The following ANKS6 variants were observed in gnomAD, a reference collection of about 807,000 sequenced individuals.
ANKS6 encodes ankyrin repeat and sterile alpha motif domain containing 6.
Under a neutral mutation model 77.9 loss-of-function variants are expected in ANKS6, and 47 were observed. That is an observed-to-expected ratio of 0.60 (90% CI 0.48 to 0.77). ANKS6 has a LOEUF of 0.77. Ranked by LOEUF, ANKS6 falls within the 30% of genes least tolerant of loss-of-function variation. The pLI is 0.00. For synonymous variants in ANKS6, 488 were observed against 501.7 expected, an observed-to-expected ratio of 0.97 and a Z score of 0.37; for missense variants, 1,150 against 1,159.1, an observed-to-expected ratio of 0.99 and a Z score of 0.11.
At position 98,792,421 on chromosome 9, in the gene ANKS6, A is replaced by G. The variant is rs1310523781; in HGVS notation, c.360-1815T>C. On this transcript the variant is annotated intron_variant, in intron 1 of 14. Coordinates refer to ENST00000353234, the MANE Select transcript of ANKS6 (RefSeq NM_173551.5). The stretch of plus-strand genomic sequence containing the variant: ...AAGGACAGGACAGGGTTCCACGCAT[A>G]TTGTTTCCCCAGCCCCTACCATAGT... Among the ~76,000 whole-genome samples the G allele has an allele frequency of 2.0e-5, 3 of 152,204 alleles. No individual in the cohort carries two copies. In the East Asian group the frequency reaches 5.8e-4, roughly 29 times the overall value.
chr9:98,784,735 A>G (rs1834468831), intron 3 of ANKS6, 97 bp downstream of exon 3: 1 of 1,152,202 alleles, frequency 8.7e-7, no homozygotes, highest in Non-Finnish European at 1.3e-6. Context: ...TCTTTCTCAA[A>G]TACCCTGGGT....
At chr9:98,774,759 T>C (rs953923228) in intron 8 of ANKS6, among the ~76,000 whole-genome samples, 3 of 152,256 alleles carry the variant, frequency 2.0e-5, no homozygotes, top group African/African-American at 7.2e-5. Flanking sequence ...GTATAAAATC[T>C]ACACAGTAAT....
chr9:98,766,593 A>G (rs1026307860), intron 11 of ANKS6, among the ~76,000 whole-genome samples: 4 of 152,200 alleles, frequency 2.6e-5, no homozygotes, highest in African/African-American at 9.6e-5. Context: ...ATCATATAGG[A>G]CGTATTACAC....
intron 3 of ANKS6, 47 bp from the exon 4 acceptor site, chr9:98,784,204 T>G (rs374948405): frequency 9.6e-6 from 14 of 1,460,080 alleles, no homozygotes; most frequent in Non-Finnish European, 1.1e-5. Flanking sequence ...CCTGGTACCA[T>G]AGGCTGATTT....
In ANKS6 at chr9:98,733,814, TTTCACATA is replaced by T. The variant is rs1186465010; in HGVS notation, c.*2697_*2704del. The T allele has an allele frequency of 1.1e-5, 11 of 985,312 alleles. No homozygotes were observed. The highest frequency in any genetic ancestry group is 1.3e-5 in the Non-Finnish European group (11 of 829,958). The allele number at this position is 985,312 out of a possible 1,614,324, so 61.0% of individuals were successfully genotyped here. A position where few individuals can be genotyped will look rare whatever the true frequency, so the allele number is the denominator to read the frequency against. ...ACTCAACCAGGGAACCTCACCCCACTTTCACATACACACCCTACGTTTCTTTATGAAAA... is the reference window on the plus strand; with the variant it reads ...ACTCAACCAGGGAACCTCACCCCACTCACACCCTACGTTTCTTTATGAAAA... On this transcript the variant is annotated 3_prime_UTR_variant, in exon 15 of 15. Transcript: ENST00000353234.
chr9:98,782,670 A>AGCATTTAAGAAGG, intron 4 of ANKS6, 97 bp from the exon 5 acceptor site: 1 of 963,720 alleles, frequency 1.0e-6, no homozygotes, highest in Non-Finnish European at 1.6e-6. Context: ...TCAGTCTCTG[A>AGCATTTAAGAAGG]GCATTTAAGA....
At chr9:98,754,564 C>A (rs932216799) in intron 12 of ANKS6, among the ~76,000 whole-genome samples, 1 of 151,890 alleles carries the variant, frequency 6.6e-6, no homozygotes, top group South Asian at 2.1e-4. Flanking sequence ...ATGGTGTGAA[C>A]CCGGGAGGAG....
At chr9:98,784,645 G>C (rs1277882677) in intron 3 of ANKS6, among the ~76,000 whole-genome samples, 187 bp downstream of exon 3, 1 of 152,140 alleles carries the variant, frequency 6.6e-6, no homozygotes, top group Non-Finnish European at 1.5e-5. Context: ...AGGCCGTCTG[G>C]AGTCTATGTG....
At position 98,732,324 on chromosome 9, in the gene ANKS6, C is replaced by T. The variant is rs978248584; in HGVS notation, c.*4195G>A. The T allele has an allele frequency of 4.8e-5, 35 of 724,296 alleles. No homozygotes were observed. In the African/African-American group the frequency reaches 5.3e-4, roughly 11 times the overall value. The allele number at this position is 724,296 out of a possible 1,614,324, so 44.9% of individuals were successfully genotyped here. On this transcript the variant is annotated 3_prime_UTR_variant, in exon 15 of 15. Transcript: ENST00000353234. Reference sequence around the variant, plus strand: ...AAGAATAAAAGGGACGAGTTCCCTGCCCCCTTTTTACCCGCTGGATCAGCT... The same window carrying T: ...AAGAATAAAAGGGACGAGTTCCCTGTCCCCTTTTTACCCGCTGGATCAGCT...
intron 13 of ANKS6, 56 bp downstream of exon 13, chr9:98,750,973 A>G (rs1430533790): frequency 1.4e-6 from 2 of 1,447,478 alleles, no homozygotes; most frequent in Non-Finnish European, 1.9e-6. Context: ...ACACATTTAG[A>G]CAAATTTTTC....
chr9:98,780,905 T>A (rs1293515985), intron 5 of ANKS6, among the ~76,000 whole-genome samples: 1 of 143,642 alleles, frequency 7.0e-6, no homozygotes, highest in Non-Finnish European at 1.6e-5. Flanking sequence ...GACTATTTCT[T>A]TTTTTTTTTT....
intron 1 of ANKS6, among the ~76,000 whole-genome samples, chr9:98,794,496 T>A (rs568840318): frequency 5.9e-5 from 9 of 152,196 alleles, no homozygotes; most frequent in Non-Finnish European, 1.2e-4. Context: ...CCTTTTCTTA[T>A]GAATTACGCA....
chr9:98,774,025 A>T lies in ANKS6; in HGVS notation c.1673T>A (p.Ile558Asn). 18 of 1,564,088 alleles carry T rather than the reference A, an allele frequency of 1.2e-5. No homozygotes were observed. Among genetic ancestry groups the T allele is most frequent in the Non-Finnish European group, 1.5e-5 (17 of 1,156,036 alleles). ...RLPSDKLKAV[I>N]PPFLPPSSFE... is the part of the protein sequence containing the mutation. ...ACTGGAAGGGGGTAGGAATGGGGGG[A>T]TGACTGCTTTCAGCTTGTCACTCGG... The change falls in exon 9 of 15, where the codon ATC becomes AAC. Residue 558 changes from isoleucine to asparagine, a missense_variant. Ile to Asn is a moderately radical substitution (Grantham distance 149). Coordinates refer to ENST00000353234, the MANE Select transcript of ANKS6 (RefSeq NM_173551.5).
At chr9:98,779,122 C>T (rs1834084327) in intron 6 of ANKS6, among the ~76,000 whole-genome samples, 1 of 152,204 alleles carries the variant, frequency 6.6e-6, no homozygotes, top group Non-Finnish European at 1.5e-5. Context: ...GAGTCTGCAG[C>T]CCTCAGAAGG....
chr9:98,737,491 TAAAA>T (rs558101182), intron 14 of ANKS6, among the ~76,000 whole-genome samples: 1 of 148,278 alleles, frequency 6.7e-6, no homozygotes, highest in Non-Finnish European at 1.5e-5. Context: ...TGCAAAAAAA[TAAAA>T]AAAAAAAATA....
At chr9:98,770,539 G>C (rs1404651778) in intron 10 of ANKS6, among the ~76,000 whole-genome samples, 1 of 151,940 alleles carries the variant, frequency 6.6e-6, no homozygotes, top group African/African-American at 2.4e-5. Context: ...TGTGAACTTC[G>C]GTTTCATCTG....
intron 14 of ANKS6, among the ~76,000 whole-genome samples, chr9:98,740,641 C>T (rs781730103): frequency 5.3e-5 from 8 of 152,268 alleles, no homozygotes; most frequent in African/African-American, 1.2e-4. Flanking sequence ...GACAGGGTTC[C>T]GGCCCTCGCT....
chr9:98,778,405 G>C lies in ANKS6; in HGVS notation c.1388C>G (p.Ser463Cys). The C allele has an allele frequency of 6.2e-7, 1 of 1,614,012 alleles. No individual in the cohort carries two copies. Among genetic ancestry groups the C allele is most frequent in the South Asian group, 1.1e-5 (1 of 91,026 alleles). ...CAGTTTGAGCTTTCGGAACCGATTGGACATTCGGTTCCACCAGGACTGCCA... is the reference window on the plus strand; with the variant it reads ...CAGTTTGAGCTTTCGGAACCGATTGCACATTCGGTTCCACCAGGACTGCCA... Reference protein sequence around the residue: ...GGLKSWWNRMSNRFRKLKLMQ... With the variant: ...GGLKSWWNRMCNRFRKLKLMQ... The change falls in exon 7 of 15, where the codon TCC becomes TGC. Residue 463 changes from serine to cysteine, a missense_variant. Ser to Cys is a moderately radical substitution (Grantham distance 112, BLOSUM62 -1). Transcript: ENST00000353234.
At chr9:98,763,489 CAT>C (rs1564195952) in intron 11 of ANKS6, among the ~76,000 whole-genome samples, 1 of 151,636 alleles carries the variant, frequency 6.6e-6, no homozygotes, top group African/African-American at 2.4e-5. Context: ...AAAAGCATCA[CAT>C]AGAGGTAAAT....
Sources: allele counts gnomAD v4.1 joint callset (sites outside exome capture counted in the v4.1 genomes callset), GRCh38; gene constraint gnomAD v4.1.1; transcripts MANE v1.5; gene names NCBI Gene and HGNC (gene_info 2026-07-23, HGNC 2026-07-21).